Variants in RORA observed in about 807,000 individuals in gnomAD.
RORA encodes nuclear receptor ROR-alpha.
A neutral mutation model predicts 69.5 loss-of-function variants in RORA; 7 were observed. The ratio of observed to expected loss-of-function variants is 0.10; its 90% CI spans 0.06 to 0.19. RORA has a LOEUF of 0.19. Among genes scored for constraint, RORA ranks in the 10% least tolerant of loss-of-function variants. The pLI is 1.00. For missense variants in RORA, 457 were observed against 663.0 expected (o/e 0.69, Z 3.41); for synonymous variants, 261 against 240.8 (o/e 1.08, Z -0.78).
intron 1 of RORA, among the ~76,000 whole-genome samples, chr15:60,756,606 T>A (rs568898480): frequency 1.3e-5 from 2 of 152,350 alleles, no homozygotes; most frequent in South Asian, 4.1e-4. Flanking sequence ...GTTTGGCTTT[T>A]AATTTTTTGT....
At chr15:61,154,776 T>C (rs1287231890) in intron 1 of RORA, among the ~76,000 whole-genome samples, 1 of 152,116 alleles carries the variant, frequency 6.6e-6, no homozygotes, top group African/African-American at 2.4e-5. Context: ...TGTGAGTGTG[T>C]GTTCCACATG....
chr15:60,535,923 A>C (rs1428242000), intron 2 of RORA, among the ~76,000 whole-genome samples: 1 of 152,210 alleles, frequency 6.6e-6, no homozygotes, highest in Non-Finnish European at 1.5e-5. Flanking sequence ...CTTATTAAGC[A>C]ATCACTAACC....
chr15:61,042,580 A>C (rs1025248820), intron 1 of RORA, among the ~76,000 whole-genome samples: 11 of 152,318 alleles, frequency 7.2e-5, no homozygotes, highest in African/African-American at 2.6e-4. Flanking sequence ...GTTTTCTCAC[A>C]AAAGACTGTA....
chr15:60,900,324 G>A (rs1478411226), intron 1 of RORA, among the ~76,000 whole-genome samples: 1 of 152,176 alleles, frequency 6.6e-6, no homozygotes, highest in Non-Finnish European at 1.5e-5. Flanking sequence ...AACATAAACA[G>A]TAGCCCAACA....
In RORA at chr15:60,647,601, G is replaced by GA. The variant is rs904961871; in HGVS notation, c.196+31055dup. Among the ~76,000 whole-genome samples, 22 of 152,182 alleles carry GA rather than the reference G, an allele frequency of 1.4e-4. 1 individual carries two copies. Among genetic ancestry groups the GA allele is most frequent in the Admixed American group, 7.2e-4 (11 of 15,278 alleles). ...AAGAGAGGACTGGGTGACTGCCTTG[G>GA]AAAATCTTATTATTACTAGTACATT... On this transcript the variant is annotated intron_variant, in intron 2 of 10. Transcript: ENST00000335670.
chr15:60,640,808 A>C (rs2069931078), intron 2 of RORA, among the ~76,000 whole-genome samples: 1 of 152,130 alleles, frequency 6.6e-6, no homozygotes, highest in South Asian at 2.1e-4. Context: ...TCCTTGACCT[A>C]GTCACTCTCT....
chr15:60,643,031 C>T (rs544056144), intron 2 of RORA, among the ~76,000 whole-genome samples: 1 of 152,064 alleles, frequency 6.6e-6, no homozygotes, highest in South Asian at 2.1e-4. Flanking sequence ...GTGAAGTGCA[C>T]CTGTAATCCC....
chr15:60,820,890 A>G (rs947691806), intron 1 of RORA, among the ~76,000 whole-genome samples: 17 of 152,306 alleles, frequency 1.1e-4, no homozygotes, highest in Middle Eastern at 3.4e-3. Flanking sequence ...GCAGATTCCA[A>G]AGTCCTTCCC....
intron 1 of RORA, among the ~76,000 whole-genome samples, chr15:60,765,817 C>T (rs995705290): frequency 3.3e-5 from 5 of 152,104 alleles, no homozygotes; most frequent in Admixed American, 6.6e-5. Flanking sequence ...TTCATTTTTA[C>T]GTGCACTGTG....
At chr15:60,766,176 T>C (rs780834005) in intron 1 of RORA, among the ~76,000 whole-genome samples, 2 of 152,102 alleles carry the variant, frequency 1.3e-5, no homozygotes, top group Non-Finnish European at 2.9e-5. Context: ...TTCTGCTCTG[T>C]GAATGTAACT....
intron 1 of RORA, among the ~76,000 whole-genome samples, chr15:61,096,814 G>A (rs2078797106): frequency 2.0e-5 from 3 of 152,184 alleles, no homozygotes; most frequent in Admixed American, 2.0e-4. Flanking sequence ...CATTTTGTGA[G>A]TGTTCGTGAT....
rs1004356616 is a variant in RORA, at chr15:60,776,294, C to T, written c.167-97608G>A. On this transcript the variant is annotated intron_variant, in intron 1 of 10. Coordinates refer to ENST00000335670, the MANE Select transcript of RORA (RefSeq NM_134261.3). ...TGGTTCCCACCTCACTCTTCCCATT[C>T]TTGAGCCCCTTCCCCTTCATCTTGG... Among the ~76,000 whole-genome samples the T allele has an allele frequency of 4.6e-5, 7 of 152,364 alleles. No individual in the cohort carries two copies. In the Middle Eastern group the frequency reaches 0.01, roughly 222 times the overall value.
chr15:61,071,926 G>A (rs556889382), intron 1 of RORA, among the ~76,000 whole-genome samples: 1 of 152,086 alleles, frequency 6.6e-6, no homozygotes, highest in East Asian at 1.9e-4. Flanking sequence ...TGAATGAGTA[G>A]AGATGGGGTA....
chr15:60,707,600 T>G (rs2140803549), intron 1 of RORA, among the ~76,000 whole-genome samples: 1 of 152,256 alleles, frequency 6.6e-6, no homozygotes, highest in African/African-American at 2.4e-5. Context: ...CCTGACCTCG[T>G]GATCTGTCCG....
chr15:60,832,918 T>C (rs1451873044), intron 1 of RORA, among the ~76,000 whole-genome samples: 3 of 152,176 alleles, frequency 2.0e-5, no homozygotes, highest in Admixed American at 2.0e-4. Context: ...GTTCTTTTTT[T>C]TTTTGAGACG....
At chr15:60,521,188 T>C (rs950145915) in intron 3 of RORA, among the ~76,000 whole-genome samples, 1 of 151,842 alleles carries the variant, frequency 6.6e-6, no homozygotes, top group African/African-American at 2.4e-5. Context: ...CAGGCATACA[T>C]AGTAGTTTGA....
intron 2 of RORA, among the ~76,000 whole-genome samples, chr15:60,616,208 G>A (rs2069239056): frequency 6.6e-6 from 1 of 152,180 alleles, no homozygotes; most frequent in African/African-American, 2.4e-5. Flanking sequence ...AGGTAAATTA[G>A]GGAACATGTG....
rs2065707660 is a variant in RORA at position 60,511,806 on chromosome 15, A to G, written c.425-185T>C. On this transcript the variant is annotated intron_variant, in intron 4 of 10. Coordinates refer to ENST00000335670, the MANE Select transcript of RORA (RefSeq NM_134261.3). This position sits in a 1 kb window ranked among gnomAD's most constrained non-coding sequence, Gnocchi z 6.4. ...CACACAGACTCGCTCCAGCTCCCCA[A>G]CAGCAAACACACATCCCAGAGAAAC... Among the ~76,000 whole-genome samples the G allele has an allele frequency of 6.6e-6, 1 of 152,114 alleles. No individual in the cohort carries two copies. Among genetic ancestry groups the G allele is most frequent in the African/African-American group, 2.4e-5 (1 of 41,412 alleles).
intron 2 of RORA, chr15:60,614,978 G>A: frequency 6.2e-7 from 1 of 1,613,944 alleles, no homozygotes; most frequent in East Asian, 2.2e-5. Context: ...CAGTTTATGT[G>A]CTCAAGTTGA....
Sources: allele counts gnomAD v4.1 joint callset (sites outside exome capture counted in the v4.1 genomes callset), GRCh38; gene constraint gnomAD v4.1.1; non-coding constraint Gnocchi (gnomAD v3.1); transcripts MANE v1.5; gene names NCBI Gene and HGNC (gene_info 2026-07-23, HGNC 2026-07-21).